The following POU6F2 variants were observed in gnomAD, a reference collection of about 807,000 sequenced individuals.
POU6F2 encodes the protein POU class 6 homeobox 2, also known as POU domain, class 6, transcription factor 2.
POU6F2 carries 31 observed loss-of-function variants against 71.3 expected under a neutral mutation model. That is an observed-to-expected ratio of 0.43 (90% confidence interval 0.33 to 0.59). The LOEUF (loss-of-function observed/expected upper bound fraction) is 0.59, where lower values mean the gene tolerates loss of function less well. Among genes scored for constraint, POU6F2 ranks in the 20% least tolerant of loss-of-function variants. The pLI is 0.04. For synonymous variants in POU6F2, 347 were observed against 355.7 expected, an observed-to-expected ratio of 0.98 and a Z score of 0.27; for missense variants, 783 against 856.8, an observed-to-expected ratio of 0.91 and a Z score of 1.07.
At chr7:39,407,699 G>A (rs1189494555) in intron 6 of POU6F2, among the ~76,000 whole-genome samples, 2 of 152,046 alleles carry the variant, frequency 1.3e-5, no homozygotes, top group African/African-American at 2.4e-5. Context: ...CTGTTCTGTG[G>A]AGAGCAGGCA....
At chr7:39,098,472 G>GT (rs966201974) in intron 2 of POU6F2, among the ~76,000 whole-genome samples, 2 of 151,172 alleles carry the variant, frequency 1.3e-5, no homozygotes, top group African/African-American at 4.9e-5. Flanking sequence ...AGAGAGGGGG[G>GT]GTCTCACTTT....
Position 39,031,985 on chromosome 7 carries a change from G to A in POU6F2, c.106-53875G>A, listed in dbSNP as rs566047375. On this transcript the variant is annotated intron_variant, in intron 1 of 9. Coordinates refer to ENST00000518318, the MANE Select transcript of POU6F2 (RefSeq NM_001370959.1). ...TGAATTTTTGTATGTCAATAGTTGCGTCCCACTGAATCCGACTTGTGAATC... is the reference window on the plus strand; with the variant it reads ...TGAATTTTTGTATGTCAATAGTTGCATCCCACTGAATCCGACTTGTGAATC... Among the ~76,000 whole-genome samples, 28 of 152,194 alleles carry A rather than the reference G, an allele frequency of 1.8e-4. No homozygotes were observed. The South Asian group carries it at 4.2e-3, about 23-fold the overall frequency.
At chr7:39,366,413 G>C (rs1786501554) in intron 5 of POU6F2, among the ~76,000 whole-genome samples, 1 of 152,186 alleles carries the variant, frequency 6.6e-6, no homozygotes, top group Non-Finnish European at 1.5e-5. Flanking sequence ...ATTCCACAAG[G>C]CATGACAGAG....
chr7:38,980,076 T>C (rs957776253), intron 1 of POU6F2, among the ~76,000 whole-genome samples: 1 of 152,220 alleles, frequency 6.6e-6, no homozygotes, highest in African/African-American at 2.4e-5. Flanking sequence ...GTATGTACTC[T>C]TTAGTATAAT....
chr7:38,998,959 C>T lies in POU6F2; in HGVS notation c.105+20901C>T, dbSNP rs537831826. Among the ~76,000 whole-genome samples the T allele has an allele frequency of 2.0e-5, 3 of 152,040 alleles. No homozygotes were observed. In the East Asian group the frequency reaches 5.8e-4, roughly 29 times the overall value. On this transcript the variant is annotated intron_variant, in intron 1 of 9. Coordinates refer to ENST00000518318, the MANE Select transcript of POU6F2 (RefSeq NM_001370959.1). Reference sequence around the variant, plus strand: ...GATTACAGGCGTGAGCCACTGCACCCAGCTGTTGTTAATCACATTAGTTGA... The same window carrying T: ...GATTACAGGCGTGAGCCACTGCACCTAGCTGTTGTTAATCACATTAGTTGA...
At chr7:39,350,757 C>A (rs746245785) in intron 5 of POU6F2, among the ~76,000 whole-genome samples, 5 of 152,230 alleles carry the variant, frequency 3.3e-5, no homozygotes, top group Non-Finnish European at 5.9e-5. Flanking sequence ...GAAAGGAAGA[C>A]CTGCATGTAA....
intron 2 of POU6F2, among the ~76,000 whole-genome samples, chr7:39,161,693 T>C (rs1366296817): frequency 6.6e-6 from 1 of 152,156 alleles, no homozygotes; most frequent in Non-Finnish European, 1.5e-5. Context: ...GACAGGCACC[T>C]TGTCTCCCCA....
chr7:39,369,161 A>G lies in POU6F2; in HGVS notation c.972+29146A>G, dbSNP rs139148139. 6.6e-4 allele frequency among the ~76,000 whole-genome samples: 101 copies of G among 152,302 alleles called. No homozygotes were observed. The East Asian group carries it at 0.014, about 21-fold the overall frequency. On this transcript the variant is annotated intron_variant, in intron 5 of 9. Transcript: ENST00000518318. The stretch of plus-strand genomic sequence containing the variant: ...GACAACAAAGGATTTAGAATGCTAC[A>G]TAAACTGCTGGTTGCTAAGACAGCA...
intron 1 of POU6F2, among the ~76,000 whole-genome samples, chr7:39,016,583 A>T (rs1789554545): frequency 6.6e-6 from 1 of 152,048 alleles, no homozygotes; most frequent in Non-Finnish European, 1.5e-5. Context: ...AGTAGAAAAG[A>T]CTCTAGCTAA....
rs142499423 is a variant in POU6F2 at position 39,458,321 on chromosome 7, A to G, written c.1490-2226A>G. ...ATCCGGAGCAGCCAAATCTTCTAAC[A>G]TTCAGAAGAGTTTGGGAAATGAAGA... is the stretch of plus-strand genomic sequence containing the variant. On this transcript the variant is annotated intron_variant, in intron 8 of 9. Transcript: ENST00000518318. 4.3e-3 allele frequency among the ~76,000 whole-genome samples: 657 copies of G among 152,294 alleles called. 6 individuals carry two copies. Among genetic ancestry groups the G allele is most frequent in the African/African-American group, 0.015 (616 of 41,562 alleles).
At chr7:39,174,741 A>G (rs1380890836) in intron 2 of POU6F2, among the ~76,000 whole-genome samples, 1 of 151,954 alleles carries the variant, frequency 6.6e-6, no homozygotes, top group Non-Finnish European at 1.5e-5. Context: ...TGTTCTTACA[A>G]CCACTCAAGT....
intron 1 of POU6F2, among the ~76,000 whole-genome samples, chr7:38,992,548 G>A (rs1788631555): frequency 6.6e-6 from 1 of 152,134 alleles, no homozygotes; most frequent in Non-Finnish European, 1.5e-5. Context: ...TGGAGAATGA[G>A]GACACAGAGT....
intron 5 of POU6F2, among the ~76,000 whole-genome samples, chr7:39,342,989 T>G (rs1440021006): frequency 6.6e-6 from 1 of 152,168 alleles, no homozygotes; most frequent in Non-Finnish European, 1.5e-5. Flanking sequence ...GGTCTGGTGG[T>G]CTAAAGCAGA....
chr7:39,277,829 C>T (rs907442427), intron 4 of POU6F2, among the ~76,000 whole-genome samples: 2 of 151,930 alleles, frequency 1.3e-5, no homozygotes, highest in African/African-American at 4.8e-5. Flanking sequence ...GAGGCCATGG[C>T]GGGCGAATCA....
intron 2 of POU6F2, among the ~76,000 whole-genome samples, chr7:39,188,737 G>A (rs991523919): frequency 1.3e-5 from 2 of 152,092 alleles, no homozygotes; most frequent in South Asian, 2.1e-4. Flanking sequence ...CCTCTGCCTC[G>A]CATTCCCTTT....
rs70977447 is a variant in POU6F2, at chr7:39,017,813, C to CGTGTGTGTGTGT, written c.105+39773_105+39784dup. On this transcript the variant is annotated intron_variant, in intron 1 of 9. Transcript: ENST00000518318. The stretch of plus-strand genomic sequence containing the variant: ...TAAGCTCATTCCCAGATTGTGCATG[C>CGTGTGTGTGTGT]GTGTGTGTGTGTGTGTGTGTGTGTG... 6.4e-3 allele frequency among the ~76,000 whole-genome samples: 948 copies of CGTGTGTGTGTGT among 148,010 alleles called. 7 individuals carry two copies. The highest frequency in any genetic ancestry group is 0.01 in the Middle Eastern group (3 of 288).
chr7:39,282,735 T>G (rs971020043), intron 4 of POU6F2, among the ~76,000 whole-genome samples: 1 of 152,226 alleles, frequency 6.6e-6, no homozygotes, highest in African/African-American at 2.4e-5. Context: ...AGTTTTGTTC[T>G]TTTTGTACAA....
intron 2 of POU6F2, among the ~76,000 whole-genome samples, chr7:39,167,571 A>T (rs1793139550): frequency 6.6e-6 from 1 of 152,134 alleles, no homozygotes; most frequent in South Asian, 2.1e-4. Flanking sequence ...CTTTCACTTA[A>T]GTCGGTACTA....
intron 1 of POU6F2, among the ~76,000 whole-genome samples, chr7:39,069,203 C>T (rs1005021581): frequency 6.6e-6 from 1 of 152,192 alleles, no homozygotes; most frequent in African/African-American, 2.4e-5. Context: ...GAGACAAGGG[C>T]TCTTAGAAGC....
Sources: allele counts gnomAD v4.1 joint callset (sites outside exome capture counted in the v4.1 genomes callset), GRCh38; gene constraint gnomAD v4.1.1; transcripts MANE v1.5; gene names NCBI Gene and HGNC (gene_info 2026-07-23, HGNC 2026-07-21).